Variants in TNS1 observed in about 807,000 individuals in gnomAD.
The protein encoded by TNS1 is tensin 1, also known as tensin-1.
Under a neutral mutation model 168.6 loss-of-function variants are expected in TNS1, and 62 were observed. The observed-to-expected ratio is 0.37, with a 90% CI of 0.30 to 0.45. The LOEUF (loss-of-function observed/expected upper bound fraction) is 0.45. TNS1 is among the 20% of genes least tolerant of loss of function. The pLI is 1.00. For missense variants in TNS1, 2,240 were observed against 2,339.4 expected (o/e 0.96, Z 0.88); for synonymous variants, 934 against 933.2 (o/e 1.00, Z -0.02).
intron 18 of TNS1, among the ~76,000 whole-genome samples, chr2:217,854,990 G>A (rs1209380958): frequency 1.3e-5 from 2 of 152,200 alleles, no homozygotes; most frequent in Non-Finnish European, 2.9e-5. Flanking sequence ...GTGAGGATTC[G>A]AGAGTGTGTG....
intron 3 of TNS1, among the ~76,000 whole-genome samples, chr2:217,934,549 G>A (rs1205422885): frequency 6.6e-6 from 1 of 152,128 alleles, no homozygotes; most frequent in African/African-American, 2.4e-5. Context: ...GTTCCCTTTG[G>A]GTGGCCAAGG....
rs557728901 is a variant in TNS1 at position 218,032,153 on chromosome 2, C to T, written c.156+1667G>A. 6.6e-6 allele frequency among the ~76,000 whole-genome samples: 1 copy of T among 152,192 alleles called. No individual in the cohort carries two copies. Among genetic ancestry groups the T allele is most frequent in the Non-Finnish European group, 1.5e-5 (1 of 68,032 alleles). ...CAGTTGTGGGACCTAGAGAGGCCAC[C>T]TGGGAGGGGCAGGGCCCACAGCTGC... On this transcript the variant is annotated intron_variant, in intron 1 of 1. Transcript: ENST00000649572. This position sits in a 1 kb window ranked among gnomAD's most constrained non-coding sequence, Gnocchi z 4.0.
At chr2:217,811,628 C>T (rs1940923651) in intron 28 of TNS1, among the ~76,000 whole-genome samples, 1 of 152,142 alleles carries the variant, frequency 6.6e-6, no homozygotes, top group South Asian at 2.1e-4. Context: ...CGGGTGAGGC[C>T]AGTGACCCTC....
At chr2:217,967,019 T>G (rs1957660123) in intron 3 of TNS1, among the ~76,000 whole-genome samples, 1 of 152,206 alleles carries the variant, frequency 6.6e-6, no homozygotes, top group Admixed American at 6.5e-5. Flanking sequence ...CAGGGGATAC[T>G]TAATAAACAG....
chr2:217,848,578 G>A lies in TNS1; in HGVS notation c.1939C>T (p.Leu647=), dbSNP rs144848834. Residue 647 remains leucine (L), a synonymous_variant, in exon 19 of 33, where the codon CTG becomes TTG. Coordinates refer to ENST00000682258, the MANE Select transcript of TNS1 (RefSeq NM_001387777.1). The part of the protein sequence containing the change: ...SAGSMGTLSS[L]DGVTNTSEGG... The stretch of plus-strand genomic sequence containing the variant: ...TCACTGGTGTTGGTGACCCCGTCCA[G>A]AGAAGAGAGTGTGCCCATGCTGCCC... 5.0e-6 allele frequency: 8 copies of A among 1,614,068 alleles called. No individual in the cohort carries two copies. The highest frequency in any genetic ancestry group is 4.4e-5 in the South Asian group (4 of 91,082).
intron 32 of TNS1, among the ~76,000 whole-genome samples, chr2:217,805,660 C>T (rs1471597883): frequency 1.3e-5 from 1 of 77,710 alleles, no homozygotes; most frequent in Non-Finnish European, 2.7e-5. Context: ...ACACACAACA[C>T]ACATATCACC....
intron 3 of TNS1, among the ~76,000 whole-genome samples, chr2:217,944,308 A>C (rs1957046480): frequency 6.6e-6 from 1 of 152,160 alleles, no homozygotes; most frequent in Admixed American, 6.5e-5. Flanking sequence ...TCCTTCAGCC[A>C]CTGGCCCAGC....
At chr2:217,887,386 G>A (rs892905126) in intron 12 of TNS1, among the ~76,000 whole-genome samples, 6 of 152,140 alleles carry the variant, frequency 3.9e-5, no homozygotes, top group Non-Finnish European at 7.4e-5. Flanking sequence ...TCGGCTCACC[G>A]CAACCTCTGC....
At chr2:217,863,901 T>C (rs1431223109) in intron 18 of TNS1, among the ~76,000 whole-genome samples, 1 of 152,088 alleles carries the variant, frequency 6.6e-6, no homozygotes, top group East Asian at 1.9e-4. Context: ...TGAAAACATG[T>C]CCTTAGACCT....
intron 3 of TNS1, among the ~76,000 whole-genome samples, chr2:217,977,371 C>A (rs1020307996): frequency 6.6e-6 from 1 of 152,206 alleles, no homozygotes; most frequent in African/African-American, 2.4e-5. Context: ...CTGCTGCAAG[C>A]CAGGCCCTCT....
intron 12 of TNS1, 59 bp downstream of exon 12, chr2:217,890,903 T>C: frequency 6.4e-7 from 1 of 1,568,800 alleles, no homozygotes; most frequent in South Asian, 1.1e-5. Context: ...ACAAGTCTAG[T>C]CCCCACATAG....
rs529073295 is a variant in TNS1 at position 217,988,231 on chromosome 2, G to A, written c.148+2711C>T. On this transcript the variant is annotated intron_variant, in intron 2 of 32. Transcript: ENST00000682258. Reference sequence around the variant, plus strand: ...AGTCTGTCCACTCACCCTCCCCTCCGGTTCACACCAGCAGGGCCAGGCTGA... The same window carrying A: ...AGTCTGTCCACTCACCCTCCCCTCCAGTTCACACCAGCAGGGCCAGGCTGA... Among the ~76,000 whole-genome samples the A allele has an allele frequency of 2.0e-4, 30 of 152,218 alleles. No individual in the cohort carries two copies. The South Asian group carries it at 5.4e-3, about 27-fold the overall frequency.
At chr2:217,872,689 T>G (rs1949874174) in intron 18 of TNS1, among the ~76,000 whole-genome samples, 1 of 152,220 alleles carries the variant, frequency 6.6e-6, no homozygotes, top group African/African-American at 2.4e-5. Context: ...CTCCTGGCTA[T>G]CTACCCAAGA....
intron 3 of TNS1, among the ~76,000 whole-genome samples, chr2:217,953,789 C>T (rs1363156222): frequency 6.6e-6 from 1 of 152,102 alleles, no homozygotes; most frequent in Non-Finnish European, 1.5e-5. Flanking sequence ...TCTAAAGAGG[C>T]CAGTGCCTCC....
At position 217,993,665 on chromosome 2, in the gene TNS1, C is replaced by T. The variant is rs149150721; in HGVS notation, c.34-2609G>A. Among the ~76,000 whole-genome samples the T allele has an allele frequency of 1.8e-4, 27 of 152,324 alleles. No individual in the cohort carries two copies. The South Asian group carries it at 2.5e-3, about 14-fold the overall frequency. ...AAGACTTGGCAACCGAAAGTAACGG[C>T]GGCTTCTGAACCAGATTCTGTTGAT... On this transcript the variant is annotated intron_variant, in intron 1 of 32. Coordinates refer to ENST00000682258, the MANE Select transcript of TNS1 (RefSeq NM_001387777.1).
chr2:217,968,100 GA>G (rs1300890656), intron 3 of TNS1, among the ~76,000 whole-genome samples: 1 of 152,194 alleles, frequency 6.6e-6, no homozygotes. Context: ...ACCATTTCAT[GA>G]TTTCAAAAAC....
In TNS1 at chr2:217,885,770, C is replaced by G. The variant is rs1392547263; in HGVS notation, c.1090G>C (p.Gly364Arg). The G allele has an allele frequency of 3.7e-6, 6 of 1,614,156 alleles. No homozygotes were observed. The highest frequency in any genetic ancestry group is 5.1e-6 in the Non-Finnish European group (6 of 1,180,040). Residue 364 changes from glycine to arginine, a missense_variant, in exon 15 of 33, where the codon GGA becomes CGA. Physicochemically the swap from Gly to Arg is moderately radical, Grantham distance 125. This residue lies in a region of TNS1 where 2,131 missense variants were observed against 2,171.2 expected (regional missense o/e 0.98). Coordinates refer to ENST00000682258, the MANE Select transcript of TNS1 (RefSeq NM_001387777.1). Reference sequence around the variant, plus strand: ...AAGATGTCTCCCTTCAAGAGCAGTCCTGGCTCGATGGTGATGCAGACGCTA... The same window carrying G: ...AAGATGTCTCCCTTCAAGAGCAGTCGTGGCTCGATGGTGATGCAGACGCTA... ...QTSVCITIEP[G>R]LLLKGDILLK...
intron 18 of TNS1, chr2:217,859,774 A>G: frequency 8.3e-7 from 1 of 1,205,130 alleles, no homozygotes. Context: ...CCAACCACCC[A>G]GATCCGAGAG....
Position 217,897,782 on chromosome 2 carries a change from G to A in TNS1, c.543+16C>T, listed in dbSNP as rs369976557. On this transcript the variant is annotated intron_variant, in intron 8 of 32. Transcript: ENST00000682258. ...ATAGAGGGCACAGGACAGTGGGCAC[G>A]AGGATCCATCCTCACCAGGTAGTTG... 254 of 1,578,922 alleles carry A rather than the reference G, an allele frequency of 1.6e-4. No homozygotes were observed. The Middle Eastern group carries it at 2.0e-3, about 13-fold the overall frequency.
Sources: allele counts gnomAD v4.1 joint callset (sites outside exome capture counted in the v4.1 genomes callset), GRCh38; gene constraint gnomAD v4.1.1; regional missense constraint gnomAD v4.1.1; non-coding constraint Gnocchi (gnomAD v3.1); transcripts MANE v1.5; gene names NCBI Gene and HGNC (gene_info 2026-07-23, HGNC 2026-07-21).